The following PPM1L variants were observed in gnomAD, a reference collection of about 807,000 sequenced individuals.
PPM1L encodes protein phosphatase, Mg2+/Mn2+ dependent 1L.
Under a neutral mutation model 31.4 loss-of-function variants are expected in PPM1L, and 13 were observed. The observed-to-expected ratio is 0.41, with a 90% confidence interval of 0.27 to 0.66. PPM1L has a LOEUF of 0.66. PPM1L is among the 30% of genes least tolerant of loss of function. The probability of loss-of-function intolerance (pLI) is 0.29; values close to 1 mark genes in which losing one functional copy is unlikely to be tolerated. For missense variants in PPM1L, 326 were observed against 453.7 expected, an observed-to-expected ratio of 0.72 and a Z score of 2.56; for synonymous variants, 184 against 175.4, an observed-to-expected ratio of 1.05 and a Z score of -0.39.
At chr3:160,811,654 T>A (rs1576649204) in intron 1 of PPM1L, among the ~76,000 whole-genome samples, 1 of 152,326 alleles carries the variant, frequency 6.6e-6, no homozygotes, top group East Asian at 1.9e-4. Context: ...ACAGTGGAAG[T>A]GTGGAAAAGG....
intron 1 of PPM1L, among the ~76,000 whole-genome samples, chr3:160,817,948 C>G (rs1178860923): frequency 1.3e-5 from 2 of 151,906 alleles, no homozygotes; most frequent in East Asian, 1.9e-4. Flanking sequence ...CTATGTGGAG[C>G]TGTTGGTTAA....
chr3:160,850,497 A>T (rs1711502021), intron 1 of PPM1L, among the ~76,000 whole-genome samples: 1 of 152,136 alleles, frequency 6.6e-6, no homozygotes, highest in Non-Finnish European at 1.5e-5. Context: ...GTCAACCTCC[A>T]GTCCTGCCCC....
chr3:161,036,786 G>A (rs1239604837), intron 2 of PPM1L, among the ~76,000 whole-genome samples: 4 of 152,176 alleles, frequency 2.6e-5, no homozygotes, highest in African/African-American at 9.7e-5. Flanking sequence ...ATGCAAAGGT[G>A]CTTTCAGAGC....
intron 1 of PPM1L, among the ~76,000 whole-genome samples, chr3:160,790,250 TTTG>T (rs2108072548): frequency 6.6e-6 from 1 of 152,204 alleles, no homozygotes; most frequent in East Asian, 1.9e-4. Context: ...TGATAAATGA[TTTG>T]TTTATTTGAC....
intron 1 of PPM1L, among the ~76,000 whole-genome samples, chr3:160,936,526 G>A (rs923392201): frequency 2.0e-5 from 3 of 152,156 alleles, no homozygotes; most frequent in African/African-American, 4.8e-5. Flanking sequence ...AAAGTTTCTC[G>A]GATGTTTAGT....
intron 1 of PPM1L, among the ~76,000 whole-genome samples, chr3:160,835,375 A>G (rs1433359479): frequency 1.3e-5 from 2 of 151,474 alleles, no homozygotes; most frequent in African/African-American, 4.8e-5. Context: ...TGAGGCTGTG[A>G]TCTGTAAGAG....
rs1714811477 is a variant in PPM1L at position 160,756,619 on chromosome 3, A to G, written c.311A>G (p.His104Arg). Residue 104 changes from histidine (H) to arginine (R), a missense_variant, in exon 1 of 4, where the codon CAC (histidine) becomes CGC (arginine). Coordinates refer to ENST00000498165, the MANE Select transcript of PPM1L (RefSeq NM_139245.4). This position sits in a 1 kb window ranked among gnomAD's most constrained non-coding sequence, Gnocchi z 6.2. Reference protein sequence around the residue: ...AVYSIQGRRDHMEDRFEVLTD... With the variant: ...AVYSIQGRRDRMEDRFEVLTD... ...TACTCCATCCAGGGCCGGAGAGACCACATGGAGGACCGCTTCGAAGTTCTC... is the reference window on the plus strand; with the variant it reads ...TACTCCATCCAGGGCCGGAGAGACCGCATGGAGGACCGCTTCGAAGTTCTC... 6.2e-7 allele frequency: 1 copy of G among 1,614,206 alleles called. No individual in the cohort carries two copies. Among genetic ancestry groups the G allele is most frequent in the Non-Finnish European group, 8.5e-7 (1 of 1,180,038 alleles).
At chr3:160,979,872 A>G (rs980896913) in intron 2 of PPM1L, among the ~76,000 whole-genome samples, 10 of 152,092 alleles carry the variant, frequency 6.6e-5, no homozygotes, top group African/African-American at 2.4e-4. Flanking sequence ...TCCTTAAGTC[A>G]TATGTATCTT....
chr3:160,929,374 A>C (rs1335153570), intron 1 of PPM1L, among the ~76,000 whole-genome samples: 1 of 152,180 alleles, frequency 6.6e-6, no homozygotes, highest in East Asian at 1.9e-4. Context: ...ATCTTCTCCC[A>C]GTTTCCCTTC....
intron 1 of PPM1L, among the ~76,000 whole-genome samples, chr3:160,817,777 A>G (rs990744384): frequency 6.6e-6 from 1 of 151,980 alleles, no homozygotes; most frequent in African/African-American, 2.4e-5. Context: ...AGAAGTTGAG[A>G]AAGGGAATTG....
At chr3:160,997,664 A>T (rs1488972250) in intron 2 of PPM1L, among the ~76,000 whole-genome samples, 1 of 152,198 alleles carries the variant, frequency 6.6e-6, no homozygotes, top group East Asian at 1.9e-4. Flanking sequence ...ATAGGCCTAA[A>T]TAAGACTAAG....
chr3:160,993,367 T>C (rs1019841974), intron 2 of PPM1L, among the ~76,000 whole-genome samples: 11 of 152,162 alleles, frequency 7.2e-5, no homozygotes, highest in Admixed American at 5.2e-4. Context: ...TTATCCTGAT[T>C]CTCTACAGGA....
intron 1 of PPM1L, among the ~76,000 whole-genome samples, chr3:160,927,586 A>T (rs918574952): frequency 6.6e-6 from 1 of 151,928 alleles, no homozygotes; most frequent in African/African-American, 2.4e-5. Context: ...TCTCGATTTC[A>T]TGAGATCTTT....
chr3:161,030,323 C>T (rs192976968), intron 2 of PPM1L, among the ~76,000 whole-genome samples: 354 of 152,206 alleles, frequency 2.3e-3, no homozygotes, highest in African/African-American at 8.3e-3. Context: ...CCTCTTCCCC[C>T]ACTTTTTTTT....
chr3:161,065,922 C>G (rs1433558235), intron 3 of PPM1L, among the ~76,000 whole-genome samples: 3 of 152,222 alleles, frequency 2.0e-5, no homozygotes, highest in Non-Finnish European at 4.4e-5. Flanking sequence ...ACCTCTGTGC[C>G]TTTGCAAGTG....
chr3:160,867,648 A>C (rs1264446913), intron 1 of PPM1L, among the ~76,000 whole-genome samples: 1 of 152,150 alleles, frequency 6.6e-6, no homozygotes, highest in Non-Finnish European at 1.5e-5. Context: ...GTTTTTGTTA[A>C]TGAAGTACTT....
At chr3:160,930,003 A>G (rs971130912) in intron 1 of PPM1L, among the ~76,000 whole-genome samples, 6 of 152,094 alleles carry the variant, frequency 3.9e-5, no homozygotes, top group African/African-American at 7.2e-5. Context: ...TGACTTGCCC[A>G]CGTCACCATC....
chr3:160,995,935 T>C (rs1419774768), intron 2 of PPM1L, among the ~76,000 whole-genome samples: 2 of 152,056 alleles, frequency 1.3e-5, no homozygotes, highest in Non-Finnish European at 2.9e-5. Flanking sequence ...GGGTAAGATG[T>C]GAAATATTCA....
At chr3:161,018,068 A>C (rs1267777699) in intron 2 of PPM1L, among the ~76,000 whole-genome samples, 1 of 152,206 alleles carries the variant, frequency 6.6e-6, no homozygotes, top group South Asian at 2.1e-4. Flanking sequence ...TGGGGTATAC[A>C]TCTTGACATT....
Sources: allele counts gnomAD v4.1 joint callset (sites outside exome capture counted in the v4.1 genomes callset), GRCh38; gene constraint gnomAD v4.1.1; non-coding constraint Gnocchi (gnomAD v3.1); transcripts MANE v1.5; gene names NCBI Gene and HGNC (gene_info 2026-07-23, HGNC 2026-07-21).